The following ILDR2 variants were observed in gnomAD, a reference collection of about 807,000 sequenced individuals.
ILDR2 encodes immunoglobulin-like domain-containing receptor 2.
Under a neutral mutation model 66.8 loss-of-function variants are expected in ILDR2, and 25 were observed. The observed-to-expected ratio is 0.37, with a 90% CI of 0.27 to 0.52. The LOEUF is 0.52. Ranked by LOEUF, ILDR2 falls within the 20% of genes least tolerant of loss-of-function variation. The probability of loss-of-function intolerance (pLI) is 0.88; values close to 1 mark genes in which losing one functional copy is unlikely to be tolerated. For missense variants in ILDR2, 827 were observed against 876.8 expected (o/e 0.94, Z 0.72); for synonymous variants, 367 against 357.2 (o/e 1.03, Z -0.31).
rs1434234746 is a variant in ILDR2 at position 166,911,376 on chromosome 1, AG to A, written c.*7978del. 1 of 152,198 alleles carries A rather than the reference AG, an allele frequency of 6.6e-6. No individual in the cohort carries two copies. The highest frequency in any genetic ancestry group is 1.5e-5 in the Non-Finnish European group (1 of 68,040). The allele number at this position is 152,198 out of a possible 1,614,324, so 9.4% of individuals were successfully genotyped here. A position where few individuals can be genotyped will look rare whatever the true frequency, so the allele number is the denominator to read the frequency against. On this transcript the variant is annotated 3_prime_UTR_variant, in exon 10 of 10. Transcript: ENST00000271417. ...ATCATTCACTCTTCCTGGCTTCCCC[AG>A]GGTTGCTGTGTATATATAGAGTCAT...
At chr1:166,943,739 A>C (rs575401472) in intron 3 of ILDR2, 2 of 745,162 alleles carry the variant, frequency 2.7e-6, no homozygotes, top group African/African-American at 3.8e-5. Flanking sequence ...AAACAATTGC[A>C]GTAAATACAT....
intron 4 of ILDR2, among the ~76,000 whole-genome samples, chr1:166,937,953 G>C (rs962912987): frequency 5.3e-5 from 8 of 152,200 alleles, no homozygotes; most frequent in African/African-American, 1.9e-4. Flanking sequence ...ATAATGGGTT[G>C]TATAATAATG....
At position 166,913,663 on chromosome 1, in the gene ILDR2, C is replaced by T. The variant is rs544857389; in HGVS notation, c.*5692G>A. On this transcript the variant is annotated 3_prime_UTR_variant, in exon 10 of 10. Transcript: ENST00000271417. ...GATCCCTCTTAGTTCTACCTAAAAT[C>T]TTAAAATGTAGTGAAGATGCCAGAT... is the stretch of plus-strand genomic sequence containing the variant. 8.5e-5 allele frequency: 13 copies of T among 152,294 alleles called. No individual in the cohort carries two copies. Among genetic ancestry groups the T allele is most frequent in the Admixed American group, 7.2e-4 (11 of 15,298 alleles). 9.4% of individuals were successfully genotyped at this position (152,294 alleles called of 1,614,324 possible).
chr1:166,898,014 C>A (rs971221565), intron 2 of ILDR2, among the ~76,000 whole-genome samples: 1 of 152,124 alleles, frequency 6.6e-6, no homozygotes, highest in East Asian at 1.9e-4. Context: ...TGCCCTTAAC[C>A]TGTGACATTT....
intron 3 of ILDR2, among the ~76,000 whole-genome samples, chr1:166,945,541 A>G (rs1661566704): frequency 6.6e-6 from 1 of 152,228 alleles, no homozygotes; most frequent in South Asian, 2.1e-4. Context: ...TACAGAGATA[A>G]AATAACACAT....
intron 3 of ILDR2, among the ~76,000 whole-genome samples, chr1:166,955,319 G>A (rs575997557): frequency 1.6e-4 from 24 of 152,122 alleles, no homozygotes; most frequent in Non-Finnish European, 3.1e-4. Flanking sequence ...AAAATATTAT[G>A]AGGCTGGGTG....
At chr1:166,935,208 A>C in intron 6 of ILDR2, 93 bp downstream of exon 6, 1 of 1,247,952 alleles carries the variant, frequency 8.0e-7, no homozygotes, top group Non-Finnish European at 1.2e-6. Context: ...TATTTTCCAA[A>C]GACACATCAC....
chr1:166,964,319 G>A (rs755477700), intron 1 of ILDR2, among the ~76,000 whole-genome samples: 85 of 151,988 alleles, frequency 5.6e-4, no homozygotes, highest in Admixed American at 4.8e-3. Context: ...ATTTTAATTC[G>A]ACCAAAAATG....
downstream of ILDR2, chr1:166,907,256 G>A (rs1659365597): frequency 6.6e-6 from 1 of 152,216 alleles, no homozygotes; most frequent in Non-Finnish European, 1.5e-5. Flanking sequence ...ATGAACAGCT[G>A]TTTGCCAGTT....
At chr1:166,924,934 T>C (rs879420476) in intron 7 of ILDR2, among the ~76,000 whole-genome samples, 1 of 152,092 alleles carries the variant, frequency 6.6e-6, no homozygotes, top group Non-Finnish European at 1.5e-5. Flanking sequence ...AAGGATCCCT[T>C]GAGCCCAGGA....
chr1:166,928,818 T>G (rs975893076), intron 6 of ILDR2, among the ~76,000 whole-genome samples: 1 of 152,206 alleles, frequency 6.6e-6, no homozygotes, highest in Non-Finnish European at 1.5e-5. Flanking sequence ...TCTCAAATTG[T>G]GGAATTACTT....
intron 1 of ILDR2, among the ~76,000 whole-genome samples, chr1:166,973,938 T>C (rs948609786): frequency 6.6e-6 from 1 of 152,230 alleles, no homozygotes; most frequent in African/African-American, 2.4e-5. Flanking sequence ...GCATTTCATT[T>C]GAAATGGGAA....
At chr1:166,942,983 C>T (rs1357623681) in intron 3 of ILDR2, among the ~76,000 whole-genome samples, 1 of 152,198 alleles carries the variant, frequency 6.6e-6, no homozygotes, top group East Asian at 1.9e-4. Flanking sequence ...ATACATCAAG[C>T]TTCTCATTCT....
chr1:166,952,672 A>C (rs1333337359), intron 3 of ILDR2, among the ~76,000 whole-genome samples: 4 of 152,222 alleles, frequency 2.6e-5, no homozygotes, highest in African/African-American at 7.2e-5. Context: ...GCTTCGGTCA[A>C]TGGTTGTGGG....
intron 6 of ILDR2, among the ~76,000 whole-genome samples, chr1:166,933,253 G>A (rs2101895128): frequency 6.6e-6 from 1 of 152,340 alleles, no homozygotes; most frequent in Non-Finnish European, 1.5e-5. Flanking sequence ...AAACTAAAAG[G>A]GAAAGTCTGC....
At chr1:166,934,189 C>G (rs1021274584) in intron 6 of ILDR2, among the ~76,000 whole-genome samples, 1 of 152,112 alleles carries the variant, frequency 6.6e-6, no homozygotes, top group Non-Finnish European at 1.5e-5. Flanking sequence ...TCCACCCTAC[C>G]CTGCCCCTCC....
At chr1:166,928,236 C>G (rs1660421759) in intron 6 of ILDR2, among the ~76,000 whole-genome samples, 1 of 152,156 alleles carries the variant, frequency 6.6e-6, no homozygotes, top group Non-Finnish European at 1.5e-5. Flanking sequence ...TTATCAGCCA[C>G]ATTTTATGTT....
rs1267651825 is a variant in ILDR2, at chr1:166,975,280, T to C, written c.-12A>G. On this transcript the variant is annotated 5_prime_UTR_variant, in exon 1 of 10. Transcript: ENST00000271417. ...AAGACCCTATCCATCTTCCCCAACT[T>C]CCCAGCCGAATTACGGAGTGAGGAA... The C allele has an allele frequency of 6.2e-7, 1 of 1,612,172 alleles. No individual in the cohort carries two copies.
chr1:166,909,157 G>C lies in ILDR2; in HGVS notation c.*10198C>G, dbSNP rs1487196237. On this transcript the variant is annotated 3_prime_UTR_variant, in exon 10 of 10. Transcript: ENST00000271417. The stretch of plus-strand genomic sequence containing the variant: ...GATATGGGCACATGACTCAATATGA[G>C]TTGACTGCAGTCTTTCTCCAGGATT... The C allele has an allele frequency of 6.6e-6, 1 of 152,162 alleles. No homozygotes were observed. The highest frequency in any genetic ancestry group is 2.4e-5 in the African/African-American group (1 of 41,430). 9.4% of individuals were successfully genotyped at this position (152,162 alleles called of 1,614,324 possible).
Sources: allele counts gnomAD v4.1 joint callset (sites outside exome capture counted in the v4.1 genomes callset), GRCh38; gene constraint gnomAD v4.1.1; transcripts MANE v1.5; gene names NCBI Gene and HGNC (gene_info 2026-07-23, HGNC 2026-07-21).